The following IRS2 variants were observed in gnomAD, a reference collection of about 807,000 sequenced individuals.
The protein encoded by IRS2 is insulin receptor substrate 2.
IRS2 carries 28 observed loss-of-function variants against 70.9 expected under a neutral mutation model. The ratio of observed to expected loss-of-function variants is 0.39; its 90% CI spans 0.29 to 0.54. IRS2 has a LOEUF of 0.54. Ranked by LOEUF, IRS2 falls within the 20% of genes least tolerant of loss-of-function variation. The probability of loss-of-function intolerance (pLI) is 0.59; values close to 1 mark genes in which losing one functional copy is unlikely to be tolerated. For synonymous variants in IRS2, 1,217 were observed against 981.9 expected (o/e 1.24, Z -4.48); for missense variants, 2,081 against 2,024.1 (o/e 1.03, Z -0.54).
chr13:109,779,831 G>A (rs1432067876), intron 1 of IRS2, among the ~76,000 whole-genome samples: 1 of 152,110 alleles, frequency 6.6e-6, no homozygotes, highest in Non-Finnish European at 1.5e-5. Context: ...GCTTCTGTCT[G>A]GACTTCAGAA....
rs1877192606 is a variant in IRS2 at position 109,759,960 on chromosome 13, T to C, written c.4013-3652A>G. Among the ~76,000 whole-genome samples the C allele has an allele frequency of 2.0e-5, 3 of 152,160 alleles. No individual in the cohort carries two copies. In the South Asian group the frequency reaches 6.2e-4, roughly 32 times the overall value. ...TAGGAATGAGAGTAAACTTTTGCCTTTATATTCATTTACTTTCAAAGTAAC... is the reference window on the plus strand; with the variant it reads ...TAGGAATGAGAGTAAACTTTTGCCTCTATATTCATTTACTTTCAAAGTAAC... On this transcript the variant is annotated intron_variant, in intron 1 of 1. Coordinates refer to ENST00000375856, the MANE Select transcript of IRS2 (RefSeq NM_003749.3).
At chr13:109,759,997 C>T (rs891490746) in intron 1 of IRS2, among the ~76,000 whole-genome samples, 4 of 152,124 alleles carry the variant, frequency 2.6e-5, no homozygotes, top group African/African-American at 9.7e-5. Context: ...GAAGTTATCC[C>T]TCACCCTGAA....
chr13:109,770,731 C>A (rs1274773840), intron 1 of IRS2, among the ~76,000 whole-genome samples: 1 of 152,186 alleles, frequency 6.6e-6, no homozygotes, highest in Admixed American at 6.5e-5. Context: ...TCTGAAGGCA[C>A]CTAGGGAACA....
chr13:109,783,756 G>A lies in IRS2; in HGVS notation c.2298C>T (p.Tyr766=), dbSNP rs1877808321. Residue 766 remains tyrosine, a synonymous_variant, in exon 1 of 2, where the codon TAC becomes TAT. Coordinates refer to ENST00000375856, the MANE Select transcript of IRS2 (RefSeq NM_003749.3). ...CCGCGTCGCTGGGGGACACGTTGAG[G>A]TAGTCCCCGTTGGGCAGCAGCTTGC... is the stretch of plus-strand genomic sequence containing the variant. ...ADGKLLPNGD[Y]LNVSPSDAVT... 6.3e-7 allele frequency: 1 copy of A among 1,592,750 alleles called. No individual in the cohort carries two copies.
rs745987317 is a variant in IRS2 at position 109,784,484 on chromosome 13, T to C, written c.1570A>G (p.Ile524Val). Residue 524 changes from isoleucine (I) to valine (V), a missense_variant, in exon 1 of 2, where the codon ATC (isoleucine) becomes GTC (valine). Coordinates refer to ENST00000375856, the MANE Select transcript of IRS2 (RefSeq NM_003749.3). This position sits in a 1 kb window ranked among gnomAD's most constrained non-coding sequence, Gnocchi z 5.2. ...TCTCGGGCCGGGGGCGTCTCCGCGA[T>C]GGACTCGGGCGTGTTGCTTCGGTGG... ...CSHRSNTPES[I>V]AETPPARDGG... 21 of 1,575,786 alleles carry C rather than the reference T, an allele frequency of 1.3e-5. No homozygotes were observed. The East Asian group carries it at 4.8e-4, about 36-fold the overall frequency.
chr13:109,784,980 C>A lies in IRS2; in HGVS notation c.1074G>T (p.Ser358=). ...CCTCGCTGGCGGTGCGCACCCGGCA[C>A]GAGCTGCACTTGGCCGCCGGCGGGG... ...AATPPAAKCS[S]CRVRTASEGD... Residue 358 remains serine (S), a synonymous_variant, in exon 1 of 2, where the codon TCG becomes TCT. Transcript: ENST00000375856. This position sits in a 1 kb window ranked among gnomAD's most constrained non-coding sequence, Gnocchi z 5.2. The A allele has an allele frequency of 7.8e-7, 1 of 1,287,222 alleles. No homozygotes were observed. The highest frequency in any genetic ancestry group is 9.8e-7 in the Non-Finnish European group (1 of 1,018,354). The allele number at this position is 1,287,222 out of a possible 1,614,324, so 79.7% of individuals were successfully genotyped here. A position where few individuals can be genotyped will look rare whatever the true frequency, so the allele number is the denominator to read the frequency against.
At chr13:109,780,281 G>A (rs191297690) in intron 1 of IRS2, among the ~76,000 whole-genome samples, 1 of 152,318 alleles carries the variant, frequency 6.6e-6, no homozygotes, top group East Asian at 1.9e-4. Context: ...TTATACTGCT[G>A]CTGCTGCTGC....
At position 109,782,224 on chromosome 13, in the gene IRS2, T is replaced by A; in HGVS notation, c.3830A>T (p.Gln1277Leu). The A allele has an allele frequency of 6.2e-7, 1 of 1,607,810 alleles. No individual in the cohort carries two copies. The highest frequency in any genetic ancestry group is 8.5e-7 in the Non-Finnish European group (1 of 1,177,426). Residue 1277 changes from glutamine to leucine, a missense_variant, in exon 1 of 2, where the codon CAG (glutamine) becomes CTG (leucine). Transcript: ENST00000375856. ...GCCCCAGGAGCTCTTGTCTCCCGGC[T>A]GAGGAAGCGGCGGCGGCGGCGGCTG... ...QPQPPPPPLPQPGDKSSWGRT... is the reference protein window; with the variant it reads ...QPQPPPPPLPLPGDKSSWGRT...
chr13:109,781,900 G>A, intron 1 of IRS2, 142 bp downstream of exon 1: 2 of 923,676 alleles, frequency 2.2e-6, no homozygotes, highest in South Asian at 1.4e-5. Context: ...GCAGCCCGCA[G>A]AAAAACAAAA....
In IRS2 at chr13:109,786,125, G is replaced by A. The variant is rs1877917945; in HGVS notation, c.-72C>T. ...GGGGCGAGGGGCGGAGGGGGCGCGG[G>A]CGGGGGCGGCTCCCTCCCACCCTTG... On this transcript the variant is annotated 5_prime_UTR_variant, in exon 1 of 2. Transcript: ENST00000375856. This position sits in a 1 kb window ranked among gnomAD's most constrained non-coding sequence, Gnocchi z 4.4. 1 of 880,512 alleles carries A rather than the reference G, an allele frequency of 1.1e-6. No individual in the cohort carries two copies. Among genetic ancestry groups the A allele is most frequent in the South Asian group, 5.1e-5 (1 of 19,458 alleles). 54.5% of individuals were successfully genotyped at this position (880,512 alleles called of 1,614,324 possible).
chr13:109,784,552 TC>T lies in IRS2; in HGVS notation c.1501del (p.Asp501ThrfsTer43). ...GTCGCCTGGGCTGGAGCCGTACTCG[TC>T]CAGGGACATGAAGCCGGGGTCGCTG... ...SPSDPGFMSL[D>X]EYGSSPGDLR... On this transcript the variant is annotated frameshift_variant, in exon 1 of 2. Transcript: ENST00000375856. LOFTEE classifies it high-confidence loss of function. This position sits in a 1 kb window ranked among gnomAD's most constrained non-coding sequence, Gnocchi z 5.2. 6.9e-7 allele frequency: 1 copy of T among 1,456,118 alleles called. No homozygotes were observed. 90.2% of individuals were successfully genotyped at this position (1,456,118 alleles called of 1,614,324 possible).
At chr13:109,758,797 G>C (rs532861941) in intron 1 of IRS2, among the ~76,000 whole-genome samples, 2 of 141,634 alleles carry the variant, frequency 1.4e-5, no homozygotes, top group Non-Finnish European at 3.0e-5. Flanking sequence ...CTGGTGCAAG[G>C]CCTCACTGAT....
chr13:109,763,256 T>C (rs1447983011), intron 1 of IRS2, among the ~76,000 whole-genome samples: 2 of 152,248 alleles, frequency 1.3e-5, no homozygotes, highest in Non-Finnish European at 2.9e-5. Context: ...GGGAAACTAA[T>C]TGATATCCCT....
In IRS2 at chr13:109,783,710, C is replaced by A; in HGVS notation, c.2344G>T (p.Asp782Tyr). The change falls in exon 1 of 2, where the codon GAC becomes TAC. Residue 782 changes from aspartate to tyrosine, a missense_variant. By Grantham distance (160) the Asp-to-Tyr change is radical (BLOSUM62 -3). This residue lies in a region of IRS2 where 1,615 missense variants were observed against 1,459.5 expected (regional missense o/e 1.11). Transcript: ENST00000375856. ...SDAVTTGTPP[D>Y]FFSAALHPGG... is the part of the protein sequence containing the mutation. ...GGGTGCAGGGCTGCGGAGAAGAAGT[C>A]GGGCGGGGTGCCCGTGGTGACCGCG... The A allele has an allele frequency of 6.4e-7, 1 of 1,569,822 alleles. No homozygotes were observed. Among genetic ancestry groups the A allele is most frequent in the Non-Finnish European group, 8.6e-7 (1 of 1,157,550 alleles).
rs1221661463 is a variant in IRS2 at position 109,785,375 on chromosome 13, C to G, written c.679G>C (p.Gly227Arg). 2 of 1,612,350 alleles carry G rather than the reference C, an allele frequency of 1.2e-6. No homozygotes were observed. The highest frequency in any genetic ancestry group is 1.7e-6 in the Non-Finnish European group (2 of 1,179,870). Residue 227 changes from glycine (G) to arginine (R), a missense_variant, in exon 1 of 2, where the codon GGC (glycine) becomes CGC (arginine). Physicochemically the swap from Gly to Arg is moderately radical, Grantham distance 125. Transcript: ENST00000375856. The surrounding 1 kb of genome is among the most constrained non-coding windows in gnomAD (Gnocchi z 9.3). ...YRLCLSARTI[G>R]FVKLNCEQPS... is the part of the protein sequence containing the mutation. Reference sequence around the variant, plus strand: ...TGCTCGCAGTTGAGCTTCACGAAGCCGATGGTGCGCGCAGACAGGCACAGA... The same window carrying G: ...TGCTCGCAGTTGAGCTTCACGAAGCGGATGGTGCGCGCAGACAGGCACAGA...
chr13:109,761,242 ACCCAG>A (rs1396975347), intron 1 of IRS2, among the ~76,000 whole-genome samples: 8 of 152,236 alleles, frequency 5.3e-5, no homozygotes, highest in Non-Finnish European at 1.2e-4. Context: ...ACACTGGACC[ACCCAG>A]AGGCCAAATT....
At position 109,755,468 on chromosome 13, in the gene IRS2, C is replaced by A. The variant is rs2289047; in HGVS notation, c.*836G>T. 0.29 allele frequency: 62,884 copies of A among 217,118 alleles called. 10,240 individuals are homozygous for A. Among genetic ancestry groups the A allele is most frequent in the East Asian group, 0.46 (6,706 of 14,670 alleles). The allele number at this position is 217,118 out of a possible 1,614,324, so 13.4% of individuals were successfully genotyped here. A position where few individuals can be genotyped will look rare whatever the true frequency, so the allele number is the denominator to read the frequency against. Reference sequence around the variant, plus strand: ...GAAGTACCTACATAAACATCTACATCGAGAAGATTAAACAAGTCTGTTAAA... The same window carrying A: ...GAAGTACCTACATAAACATCTACATAGAGAAGATTAAACAAGTCTGTTAAA... On this transcript the variant is annotated 3_prime_UTR_variant, in exon 2 of 2. Coordinates refer to ENST00000375856, the MANE Select transcript of IRS2 (RefSeq NM_003749.3).
At chr13:109,774,076 A>G (rs1309327721) in intron 1 of IRS2, among the ~76,000 whole-genome samples, 1 of 152,222 alleles carries the variant, frequency 6.6e-6, no homozygotes, top group Admixed American at 6.5e-5. Context: ...TCCTTCTCAG[A>G]ACACCCTTGT....
chr13:109,778,062 T>G (rs1033192864), intron 1 of IRS2, among the ~76,000 whole-genome samples: 5 of 152,218 alleles, frequency 3.3e-5, no homozygotes, highest in Non-Finnish European at 7.3e-5. Context: ...CTGTATACAT[T>G]CATGGTTTCA....
Sources: gnomAD v4.1 joint callset for allele counts (sites outside exome capture counted in the v4.1 genomes callset) on GRCh38, gnomAD v4.1.1 for gene constraint, gnomAD v4.1.1 regional missense constraint, Gnocchi (gnomAD v3.1) non-coding constraint, MANE v1.5 for transcripts, NCBI Gene and HGNC (gene_info 2026-07-23, HGNC 2026-07-21) for gene names.